The following FAM171A1 variants were observed in gnomAD, a reference collection of about 807,000 sequenced individuals.
FAM171A1 encodes the protein protein FAM171A1.
Under a neutral mutation model 74.9 loss-of-function variants are expected in FAM171A1, and 23 were observed. The ratio of observed to expected loss-of-function variants is 0.31; its 90% confidence interval spans 0.22 to 0.44. The LOEUF (loss-of-function observed/expected upper bound fraction) is 0.44, where lower values mean the gene tolerates loss of function less well. FAM171A1 is among the 20% of genes least tolerant of loss of function. FAM171A1 has a pLI of 1.00. For synonymous variants in FAM171A1, 527 were observed against 505.7 expected, an observed-to-expected ratio of 1.04 and a Z score of -0.57; for missense variants, 1,162 against 1,159.2, an observed-to-expected ratio of 1.00 and a Z score of -0.03.
At chr10:15,247,590 C>T (rs2131756140) in intron 5 of FAM171A1, among the ~76,000 whole-genome samples, 1 of 152,180 alleles carries the variant, frequency 6.6e-6, no homozygotes, top group South Asian at 2.1e-4. Context: ...TCTGTGTGAC[C>T]AACAGCCTAA....
intron 1 of FAM171A1, among the ~76,000 whole-genome samples, chr10:15,309,607 A>G (rs1835336378): frequency 6.6e-6 from 1 of 152,262 alleles, no homozygotes. Flanking sequence ...AGCAAACCAC[A>G]GCATTCAAAG....
rs200970132 is a variant in FAM171A1 at position 15,265,448 on chromosome 10, AC to A, written c.418+10406del. 9.9e-3 allele frequency among the ~76,000 whole-genome samples: 1,500 copies of A among 151,976 alleles called. 21 individuals are homozygous for A. The highest frequency in any genetic ancestry group is 0.034 in the African/African-American group (1,408 of 41,442). ...GGCAACATGGTGAAACTCCATCTCT[AC>A]AAAAAATACAAAAAAATTGGCCAGA... On this transcript the variant is annotated intron_variant, in intron 3 of 7. Transcript: ENST00000378116.
intron 1 of FAM171A1, among the ~76,000 whole-genome samples, chr10:15,352,407 G>T (rs1380250449): frequency 2.0e-5 from 3 of 152,130 alleles, no homozygotes; most frequent in African/African-American, 7.2e-5. Flanking sequence ...TTAATAAAAC[G>T]TTGTCTAATG....
At chr10:15,240,991 C>T (rs912712024) in intron 5 of FAM171A1, among the ~76,000 whole-genome samples, 8 of 152,152 alleles carry the variant, frequency 5.3e-5, no homozygotes, top group African/African-American at 1.7e-4. Flanking sequence ...TCCGATTGTA[C>T]CATTGCACTG....
chr10:15,327,178 C>A (rs1337761017), intron 1 of FAM171A1, among the ~76,000 whole-genome samples: 1 of 152,146 alleles, frequency 6.6e-6, no homozygotes, highest in Non-Finnish European at 1.5e-5. Context: ...GGGTTCAAAT[C>A]CAATCCCAGC....
intron 1 of FAM171A1, among the ~76,000 whole-genome samples, chr10:15,364,975 T>G (rs537848646): frequency 6.6e-6 from 1 of 152,274 alleles, no homozygotes; most frequent in South Asian, 2.1e-4. Flanking sequence ...ACAGAATCAC[T>G]TGGCCACAGT....
chr10:15,333,925 G>T (rs12784069), intron 1 of FAM171A1, among the ~76,000 whole-genome samples: 11,021 of 151,910 alleles, frequency 0.073, 512 homozygotes, highest in Middle Eastern at 0.11. Context: ...CTCCTTTTGG[G>T]GTCGTTTCAG....
chr10:15,337,692 C>A (rs1392065204), intron 1 of FAM171A1, among the ~76,000 whole-genome samples: 1 of 152,012 alleles, frequency 6.6e-6, no homozygotes, highest in Admixed American at 6.6e-5. Context: ...CTTACGCCTG[C>A]AATCCCAGCA....
intron 1 of FAM171A1, among the ~76,000 whole-genome samples, chr10:15,324,014 C>T (rs1042979873): frequency 1.3e-5 from 2 of 152,102 alleles, no homozygotes; most frequent in African/African-American, 4.8e-5. Flanking sequence ...GCTGGTTAGC[C>T]CATTTGCCAG....
chr10:15,303,189 CA>C (rs796631305), intron 1 of FAM171A1, among the ~76,000 whole-genome samples: 516 of 149,888 alleles, frequency 3.4e-3, no homozygotes, highest in African/African-American at 0.012. Flanking sequence ...AGCTCCATCT[CA>C]AAAAAAAAGT....
At chr10:15,239,402 C>T (rs1325614785) in intron 5 of FAM171A1, among the ~76,000 whole-genome samples, 1 of 151,966 alleles carries the variant, frequency 6.6e-6, no homozygotes, top group Non-Finnish European at 1.5e-5. Flanking sequence ...TTCCCAGGTT[C>T]AAGGGATTCT....
At chr10:15,365,095 AG>A (rs2131893124) in intron 1 of FAM171A1, among the ~76,000 whole-genome samples, 1 of 152,300 alleles carries the variant, frequency 6.6e-6, no homozygotes, top group South Asian at 2.1e-4. Context: ...CAATTACCTT[AG>A]GTCACCTGGC....
At chr10:15,237,036 C>A (rs532487465) in intron 5 of FAM171A1, among the ~76,000 whole-genome samples, 15 of 152,210 alleles carry the variant, frequency 9.9e-5, no homozygotes, top group African/African-American at 3.4e-4. Flanking sequence ...GAGTGAGACT[C>A]TGACTTGAAA....
intron 3 of FAM171A1, among the ~76,000 whole-genome samples, chr10:15,270,530 T>C (rs192751780): frequency 6.6e-6 from 1 of 152,170 alleles, no homozygotes; most frequent in Admixed American, 6.5e-5. Flanking sequence ...AACAGAGTAG[T>C]GGTTCTCCAG....
chr10:15,240,804 C>T, intron 5 of FAM171A1: 1 of 906,348 alleles, frequency 1.1e-6, no homozygotes, highest in Non-Finnish European at 1.3e-6. Flanking sequence ...ACTTGGGAGG[C>T]TGAGTTGGGA....
At chr10:15,346,769 T>C (rs1835820964) in intron 1 of FAM171A1, among the ~76,000 whole-genome samples, 1 of 152,174 alleles carries the variant, frequency 6.6e-6, no homozygotes, top group Non-Finnish European at 1.5e-5. Context: ...CCCTGTGAAC[T>C]AGGAAGGCAA....
chr10:15,251,825 G>A (rs192887168), intron 4 of FAM171A1, among the ~76,000 whole-genome samples: 6 of 152,194 alleles, frequency 3.9e-5, no homozygotes, highest in African/African-American at 7.2e-5. Flanking sequence ...CATCCTTCCC[G>A]TTCCATCTGG....
At chr10:15,265,813 G>A (rs1588521095) in intron 3 of FAM171A1, among the ~76,000 whole-genome samples, 1 of 152,076 alleles carries the variant, frequency 6.6e-6, no homozygotes, top group Admixed American at 6.6e-5. Context: ...TAGATAAGGT[G>A]TACTCCCAAA....
At chr10:15,342,962 T>C (rs1766526680) in intron 1 of FAM171A1, among the ~76,000 whole-genome samples, 1 of 152,154 alleles carries the variant, frequency 6.6e-6, no homozygotes. Flanking sequence ...GGTTCTGTCC[T>C]TACCATGCAC....
Sources: allele counts gnomAD v4.1 joint callset (sites outside exome capture counted in the v4.1 genomes callset), GRCh38; gene constraint gnomAD v4.1.1; transcripts MANE v1.5; gene names NCBI Gene and HGNC (gene_info 2026-07-23, HGNC 2026-07-21).